PKIB: variants seen among roughly 807,000 people sequenced by gnomAD.
PKIB encodes cAMP-dependent protein kinase inhibitor beta.
Under a neutral mutation model 4.5 loss-of-function variants are expected in PKIB, and 2 were observed. That is an observed-to-expected ratio of 0.44 (90% CI 0.18 to 1.39). The LOEUF (loss-of-function observed/expected upper bound fraction) is 1.39, where lower values mean the gene tolerates loss of function less well. Ranked by LOEUF, PKIB falls within the 40% of genes most tolerant of loss-of-function variation. The pLI is 0.27. For synonymous variants in PKIB, 38 were observed against 36.0 expected, an observed-to-expected ratio of 1.06 and a Z score of -0.20; for missense variants, 94 against 92.6, an observed-to-expected ratio of 1.02 and a Z score of -0.06.
At chr6:122,491,298 A>G (rs1775928223) in intron 2 of PKIB, among the ~76,000 whole-genome samples, 2 of 152,182 alleles carry the variant, frequency 1.3e-5, no homozygotes, top group Middle Eastern at 3.2e-3. Context: ...TCTCTTTACC[A>G]GTGGAATGCT....
chr6:122,690,759 T>C (rs918181082), intron 3 of PKIB, among the ~76,000 whole-genome samples: 2 of 152,096 alleles, frequency 1.3e-5, no homozygotes, highest in African/African-American at 4.8e-5. Flanking sequence ...GTGAGTTTTG[T>C]ACCTTCAGGT....
chr6:122,705,936 C>T (rs1010111798), intron 3 of PKIB, among the ~76,000 whole-genome samples: 48 of 152,290 alleles, frequency 3.2e-4, no homozygotes, highest in African/African-American at 1.1e-3. Flanking sequence ...TTACAGGATA[C>T]GTTCACATAT....
At chr6:122,473,840 A>G (rs77225998) in intron 1 of PKIB, among the ~76,000 whole-genome samples, 1 of 152,230 alleles carries the variant, frequency 6.6e-6, no homozygotes, top group Non-Finnish European at 1.5e-5. Flanking sequence ...TTAGTAAAAA[A>G]CATTCTATCT....
chr6:122,612,323 T>A (rs181930128), intron 1 of PKIB, among the ~76,000 whole-genome samples: 1 of 152,306 alleles, frequency 6.6e-6, no homozygotes, highest in East Asian at 1.9e-4. Flanking sequence ...AGAAAATTTG[T>A]TAATTTTCTA....
chr6:122,548,925 A>G (rs1772585206), intron 2 of PKIB, among the ~76,000 whole-genome samples: 1 of 152,248 alleles, frequency 6.6e-6, no homozygotes. Context: ...AATGTTTGGC[A>G]TAACAAAGAC....
chr6:122,702,901 G>A (rs1203945794), intron 3 of PKIB, among the ~76,000 whole-genome samples: 2 of 152,004 alleles, frequency 1.3e-5, no homozygotes, highest in East Asian at 1.9e-4. Context: ...TGTTAAAATA[G>A]TTAATATTTA....
At chr6:122,478,786 A>G (rs1161056214) in intron 2 of PKIB, 1 of 152,178 alleles carries the variant, frequency 6.6e-6, no homozygotes, top group Non-Finnish European at 1.5e-5. Flanking sequence ...CTGGAGAAAG[A>G]AAACAAAAAA....
intron 4 of PKIB, among the ~76,000 whole-genome samples, chr6:122,723,807 C>T (rs894439521): frequency 1.3e-5 from 2 of 152,204 alleles, no homozygotes; most frequent in African/African-American, 4.8e-5. Flanking sequence ...CTTCAGGCCA[C>T]AAGACTTCTT....
chr6:122,682,935 A>G (rs1777957174), intron 3 of PKIB, among the ~76,000 whole-genome samples: 1 of 152,232 alleles, frequency 6.6e-6, no homozygotes, highest in South Asian at 2.1e-4. Context: ...TGGTTATTCA[A>G]CATCATTACT....
chr6:122,530,434 C>A (rs1174426578), intron 2 of PKIB, among the ~76,000 whole-genome samples: 1 of 151,934 alleles, frequency 6.6e-6, no homozygotes, highest in African/African-American at 2.4e-5. Context: ...ATTTATGTTT[C>A]TTTAGGATTA....
intron 2 of PKIB, among the ~76,000 whole-genome samples, chr6:122,653,939 C>G (rs1318310104): frequency 1.3e-5 from 2 of 152,172 alleles, no homozygotes; most frequent in Non-Finnish European, 2.9e-5. Context: ...GCCTGAGCAA[C>G]AGAGAGAGAC....
chr6:122,628,323 C>T (rs1775551550), intron 1 of PKIB, among the ~76,000 whole-genome samples: 1 of 152,160 alleles, frequency 6.6e-6, no homozygotes, highest in Admixed American at 6.5e-5. Context: ...AGGCGTGAGC[C>T]ACCGCGCCCG....
intron 2 of PKIB, among the ~76,000 whole-genome samples, chr6:122,550,075 C>T (rs560400777): frequency 1.6e-4 from 24 of 151,684 alleles, no homozygotes; most frequent in Non-Finnish European, 2.4e-4. Flanking sequence ...CTGCCATGCC[C>T]GGCTAATTTC....
At chr6:122,480,959 A>AAGCTTATTTTTATTAT (rs1181952300) in intron 2 of PKIB, 5 of 152,230 alleles carry the variant, frequency 3.3e-5, no homozygotes, top group Admixed American at 1.3e-4. Context: ...TAGAAATATC[A>AAGCTTATTTTTATTAT]TAAAATGAAG....
At chr6:122,584,980 A>C (rs563303857) in intron 2 of PKIB, among the ~76,000 whole-genome samples, 2 of 152,128 alleles carry the variant, frequency 1.3e-5, no homozygotes, top group African/African-American at 4.8e-5. Flanking sequence ...CATGTCAATA[A>C]CCTAACAGCA....
At chr6:122,544,866 G>A (rs1468001717) in intron 2 of PKIB, among the ~76,000 whole-genome samples, 1 of 151,420 alleles carries the variant, frequency 6.6e-6, no homozygotes, top group South Asian at 2.1e-4. Context: ...AGACATACAT[G>A]TGGCAAACAA....
intron 2 of PKIB, among the ~76,000 whole-genome samples, chr6:122,521,686 A>G (rs2114600987): frequency 6.6e-6 from 1 of 152,010 alleles, no homozygotes; most frequent in Non-Finnish European, 1.5e-5. Context: ...CCTCAATAAA[A>G]ATAATAATAA....
chr6:122,699,682 T>A (rs1351789032), intron 3 of PKIB, among the ~76,000 whole-genome samples: 1 of 152,160 alleles, frequency 6.6e-6, no homozygotes, highest in East Asian at 1.9e-4. Context: ...TTATTTTAAT[T>A]TGGGGTGGAG....
chr6:122,530,417 C>T (rs191009671), intron 2 of PKIB, among the ~76,000 whole-genome samples: 3 of 152,208 alleles, frequency 2.0e-5, no homozygotes, highest in African/African-American at 7.2e-5. Context: ...TTTTAGACAG[C>T]TCACAGATTT....
Sources: gnomAD v4.1 joint callset for allele counts (sites outside exome capture counted in the v4.1 genomes callset) on GRCh38, gnomAD v4.1.1 for gene constraint, MANE v1.5 for transcripts, NCBI Gene and HGNC (gene_info 2026-07-23, HGNC 2026-07-21) for gene names.